CLVS1: variants seen among roughly 807,000 people sequenced by gnomAD.
CLVS1 encodes the protein clavesin 1.
Under a neutral mutation model 33.1 loss-of-function variants are expected in CLVS1, and 10 were observed. The ratio of observed to expected loss-of-function variants is 0.30; its 90% CI spans 0.19 to 0.51. The LOEUF (loss-of-function observed/expected upper bound fraction) is 0.51. Ranked by LOEUF, CLVS1 falls within the 20% of genes least tolerant of loss-of-function variation. CLVS1 has a pLI of 0.97. For missense variants in CLVS1, 343 were observed against 433.4 expected (o/e 0.79, Z 1.85); for synonymous variants, 163 against 166.1 (o/e 0.98, Z 0.14).
chr8:61,458,606 C>T, intron 5 of CLVS1, 64 bp downstream of exon 5: 2 of 1,120,614 alleles, frequency 1.8e-6, no homozygotes, highest in Non-Finnish European at 2.5e-6. Context: ...TTATTTGGAC[C>T]TATTGTGAAT....
rs1563389429 is a variant in CLVS1 at position 61,064,536 on chromosome 8, C to CTTT, written c.-243+7306_-243+7307insTTT. ...GAAATGTCTATTCAAGTTCTTTGCC[C>CTTT]ATTTTTTTTTTTTTTTTTTTTGAGA... On this transcript the variant is annotated intron_variant, in intron 1 of 2. Transcript: ENST00000522621. 5.7e-5 allele frequency among the ~76,000 whole-genome samples: 8 copies of CTTT among 141,444 alleles called. 1 individual carries two copies. Among genetic ancestry groups the CTTT allele is most frequent in the Non-Finnish European group, 7.6e-5 (5 of 65,742 alleles). The allele number at this position is 141,444 out of a possible 152,430, so 92.8% of individuals were successfully genotyped here. A position where few individuals can be genotyped will look rare whatever the true frequency, so the allele number is the denominator to read the frequency against.
At chr8:61,109,337 T>C (rs1225825029) in intron 1 of CLVS1, among the ~76,000 whole-genome samples, 1 of 152,168 alleles carries the variant, frequency 6.6e-6, no homozygotes, top group African/African-American at 2.4e-5. Context: ...GGTGTTGAGG[T>C]CCCACTTAGG....
At chr8:61,092,891 G>C (rs1585604782) in intron 1 of CLVS1, among the ~76,000 whole-genome samples, 1 of 152,132 alleles carries the variant, frequency 6.6e-6, no homozygotes, top group Admixed American at 6.5e-5. Flanking sequence ...TGCTTCCCAA[G>C]TGGTATCACT....
chr8:61,369,058 C>T (rs1022556985), intron 2 of CLVS1, among the ~76,000 whole-genome samples: 1 of 151,710 alleles, frequency 6.6e-6, no homozygotes, highest in Non-Finnish European at 1.5e-5. Context: ...TCGCTTTTCT[C>T]TTCTTCCCTT....
chr8:61,288,759 G>A (rs1188778102), intron 1 of CLVS1, among the ~76,000 whole-genome samples: 1 of 152,174 alleles, frequency 6.6e-6, no homozygotes, highest in Non-Finnish European at 1.5e-5. Context: ...TTCCAATGGA[G>A]AATCACCAGG....
chr8:61,443,618 A>G (rs1816648688), intron 3 of CLVS1, among the ~76,000 whole-genome samples: 1 of 152,144 alleles, frequency 6.6e-6, no homozygotes, highest in Admixed American at 6.6e-5. Flanking sequence ...TCCTCCACAA[A>G]TACCACCCAG....
intron 5 of CLVS1, among the ~76,000 whole-genome samples, chr8:61,495,276 T>C (rs967133483): frequency 4.6e-5 from 7 of 152,182 alleles, no homozygotes; most frequent in Admixed American, 2.0e-4. Flanking sequence ...CCTGTCACAA[T>C]GATTTTAAGT....
chr8:61,072,159 C>G (rs992578585), intron 1 of CLVS1, among the ~76,000 whole-genome samples: 2 of 152,326 alleles, frequency 1.3e-5, no homozygotes, highest in East Asian at 3.9e-4. Context: ...TCATCTCCAG[C>G]TTTCCTGGCT....
At chr8:61,195,182 G>C (rs1385597367) in intron 2 of CLVS1, among the ~76,000 whole-genome samples, 1 of 151,682 alleles carries the variant, frequency 6.6e-6, no homozygotes, top group African/African-American at 2.4e-5. Flanking sequence ...CAAATAACAA[G>C]AGCAAAAATT....
chr8:61,421,293 A>G (rs1815653687), intron 3 of CLVS1, among the ~76,000 whole-genome samples: 2 of 152,186 alleles, frequency 1.3e-5, no homozygotes, highest in African/African-American at 2.4e-5. Context: ...GATGATTGTC[A>G]TGGTGCAGCA....
intron 2 of CLVS1, among the ~76,000 whole-genome samples, chr8:61,363,390 T>C (rs974286712): frequency 6.6e-6 from 1 of 152,232 alleles, no homozygotes; most frequent in Non-Finnish European, 1.5e-5. Flanking sequence ...GCTGATGTTT[T>C]ACAGTATCTC....
chr8:61,376,828 T>C (rs1813664749), intron 3 of CLVS1, 49 bp downstream of exon 3: 1 of 1,487,200 alleles, frequency 6.7e-7, no homozygotes, highest in African/African-American at 1.4e-5. Context: ...CAACATACTT[T>C]TTAAAAAATT....
At chr8:61,078,747 C>A (rs150751676) in intron 1 of CLVS1, among the ~76,000 whole-genome samples, 1 of 152,148 alleles carries the variant, frequency 6.6e-6, no homozygotes, top group Non-Finnish European at 1.5e-5. Flanking sequence ...TTGAGAGACT[C>A]CTTTTGAGTT....
intron 3 of CLVS1, among the ~76,000 whole-genome samples, chr8:61,424,220 C>G (rs1458219115): frequency 6.6e-5 from 10 of 152,218 alleles, no homozygotes; most frequent in Non-Finnish European, 7.3e-5. Flanking sequence ...TAGTGCCTCT[C>G]AGTGAATGCT....
intron 2 of CLVS1, among the ~76,000 whole-genome samples, chr8:61,335,609 T>G (rs919331456): frequency 6.6e-6 from 1 of 152,182 alleles, no homozygotes; most frequent in Non-Finnish European, 1.5e-5. Flanking sequence ...TTGTGACAAT[T>G]TTCTTCAGAG....
At chr8:61,239,194 C>T (rs916244622) in intron 2 of CLVS1, among the ~76,000 whole-genome samples, 1 of 152,196 alleles carries the variant, frequency 6.6e-6, no homozygotes, top group South Asian at 2.1e-4. Flanking sequence ...TTAATCCCCT[C>T]TGTAATTTTA....
chr8:61,205,203 T>C (rs1036679740), intron 2 of CLVS1, among the ~76,000 whole-genome samples: 4 of 152,134 alleles, frequency 2.6e-5, no homozygotes, highest in Non-Finnish European at 5.9e-5. Context: ...TGGCATTAAG[T>C]CCGTTCCCAT....
At chr8:61,300,410 G>A (rs1810384687) in intron 2 of CLVS1, 128 bp downstream of exon 2, 3 of 831,412 alleles carry the variant, frequency 3.6e-6, no homozygotes, top group Admixed American at 5.9e-5. Context: ...CACCAAGGAA[G>A]TTTTAGGCCA....
At chr8:61,122,602 ACACACACAC>A (rs1805896125) in intron 1 of CLVS1, among the ~76,000 whole-genome samples, 1 of 151,826 alleles carries the variant, frequency 6.6e-6, no homozygotes, top group East Asian at 1.9e-4. Flanking sequence ...ACACACACAC[ACACACACAC>A]AAGAAAACAG....
Sources: allele counts gnomAD v4.1 joint callset (sites outside exome capture counted in the v4.1 genomes callset), GRCh38; gene constraint gnomAD v4.1.1; transcripts MANE v1.5; gene names NCBI Gene and HGNC (gene_info 2026-07-23, HGNC 2026-07-21).